The following ADARB2 variants were observed in gnomAD, a reference collection of about 807,000 sequenced individuals.
The protein encoded by ADARB2 is adenosine deaminase RNA specific B2 (inactive), also known as inactive double-stranded RNA-specific editase B2.
In ADARB2, 25 loss-of-function variants were observed where a neutral mutation model predicts 62.2. The ratio of observed to expected loss-of-function variants is 0.40; its 90% CI spans 0.29 to 0.56. The LOEUF is 0.56. Ranked by LOEUF, ADARB2 falls within the 20% of genes least tolerant of loss-of-function variation. The pLI, the probability that ADARB2 is intolerant of heterozygous loss-of-function variation, is 0.43. For missense variants in ADARB2, 1,071 were observed against 1,077.4 expected (o/e 0.99, Z 0.08); for synonymous variants, 572 against 500.8 (o/e 1.14, Z -1.90).
intron 1 of ADARB2, among the ~76,000 whole-genome samples, chr10:1,553,351 G>A (rs1244054557): frequency 6.6e-6 from 1 of 152,158 alleles, no homozygotes; most frequent in Non-Finnish European, 1.5e-5. Context: ...CTGGCACCGG[G>A]CGCCTTCTGG....
chr10:1,589,966 C>G lies in ADARB2; in HGVS notation c.100+147085G>C, dbSNP rs563685920. Among the ~76,000 whole-genome samples the G allele has an allele frequency of 3.9e-5, 6 of 152,368 alleles. No homozygotes were observed. The South Asian group carries it at 8.3e-4, about 21-fold the overall frequency. On this transcript the variant is annotated intron_variant, in intron 1 of 9. Transcript: ENST00000381312. ...AGTGGTTTTTAAATGGTCCTTCTGG[C>G]TTCAGCAGGTGCTCCTCTGGGAGCC...
intron 1 of ADARB2, among the ~76,000 whole-genome samples, chr10:1,703,755 C>T (rs757584339): frequency 9.9e-5 from 15 of 152,146 alleles, no homozygotes; most frequent in South Asian, 2.1e-4. Context: ...TATCTGGGAG[C>T]GTTTCTTTGA....
intron 1 of ADARB2, among the ~76,000 whole-genome samples, chr10:1,399,662 A>G (rs1477360209): frequency 6.6e-6 from 1 of 152,174 alleles, no homozygotes; most frequent in Non-Finnish European, 1.5e-5. Flanking sequence ...CCTGAGACGC[A>G]TTCGTAAATG....
rs148685866 is a variant in ADARB2 at position 1,527,014 on chromosome 10, C to G, written c.101-147854G>C. 8.1e-6 allele frequency: 2 copies of G among 248,048 alleles called. 1 individual carries two copies. The highest frequency in any genetic ancestry group is 2.1e-4 in the East Asian group (2 of 9,604). The allele number at this position is 248,048 out of a possible 1,614,324, so 15.4% of individuals were successfully genotyped here. On this transcript the variant is annotated intron_variant, in intron 1 of 9. Transcript: ENST00000381312. Reference sequence around the variant, plus strand: ...GCTCTGACTTCCAAACGAAACCACTCCAGCTTTTTGGAAGCTTCCGCATTT... The same window carrying G: ...GCTCTGACTTCCAAACGAAACCACTGCAGCTTTTTGGAAGCTTCCGCATTT...
rs57984302 is a variant in ADARB2 at position 1,691,899 on chromosome 10, A to ATGTGTG, written c.100+45146_100+45151dup. On this transcript the variant is annotated intron_variant, in intron 1 of 9. Transcript: ENST00000381312. ...CTCTCAGCCTCCAGGTCATTACTAA[A>ATGTGTG]TGTGTGTGTGTGTGTGTGTGTGCAC... 9.6e-3 allele frequency among the ~76,000 whole-genome samples: 1,441 copies of ATGTGTG among 150,478 alleles called. 18 individuals are homozygous for ATGTGTG. The highest frequency in any genetic ancestry group is 0.012 in the Non-Finnish European group (788 of 67,472).
intron 7 of ADARB2, among the ~76,000 whole-genome samples, chr10:1,204,372 G>A (rs973413500): frequency 6.6e-6 from 1 of 152,238 alleles, no homozygotes; most frequent in African/African-American, 2.4e-5. Context: ...GGGGCTGTTT[G>A]TAATTGCAAA....
chr10:1,209,732 C>A (rs1242396316), intron 7 of ADARB2, among the ~76,000 whole-genome samples: 1 of 152,110 alleles, frequency 6.6e-6, no homozygotes, highest in African/African-American at 2.4e-5. Context: ...CACCCACACA[C>A]CCACACCACA....
chr10:1,513,138 T>A (rs1183495665), intron 1 of ADARB2, among the ~76,000 whole-genome samples: 1 of 152,226 alleles, frequency 6.6e-6, no homozygotes, highest in East Asian at 1.9e-4. Context: ...GACTGTAGTG[T>A]TCATTTCACT....
intron 1 of ADARB2, among the ~76,000 whole-genome samples, chr10:1,687,367 CCCTG>C (rs550668453): frequency 1.3e-5 from 2 of 152,206 alleles, no homozygotes; most frequent in Middle Eastern, 3.4e-3. Flanking sequence ...GGCTTCTCCT[CCCTG>C]CCTAAGTAAA....
intron 1 of ADARB2, among the ~76,000 whole-genome samples, chr10:1,709,907 G>A (rs1283477490): frequency 6.6e-6 from 1 of 152,200 alleles, no homozygotes; most frequent in Non-Finnish European, 1.5e-5. Flanking sequence ...AGTCTCTAAA[G>A]CCAAGTGGGG....
At chr10:1,574,749 C>A (rs1251476263) in intron 1 of ADARB2, among the ~76,000 whole-genome samples, 2 of 152,154 alleles carry the variant, frequency 1.3e-5, no homozygotes, top group East Asian at 3.8e-4. Context: ...TGTAAAGACC[C>A]CACCTCCAAA....
At chr10:1,532,438 G>A (rs1588290550) in intron 1 of ADARB2, among the ~76,000 whole-genome samples, 1 of 152,130 alleles carries the variant, frequency 6.6e-6, no homozygotes, top group Non-Finnish European at 1.5e-5. Flanking sequence ...TGGGGCCTTC[G>A]GTGTGGGCTC....
Position 1,277,920 on chromosome 10 carries a change from T to C in ADARB2, c.1078-6851A>G, listed in dbSNP as rs557866759. ...GCTTATCCACCGTGATCAAGTGGGC[T>C]TCTTTCTTTCTGCTTCCTTCCTTCC... On this transcript the variant is annotated intron_variant, in intron 3 of 9. Transcript: ENST00000381312. Among the ~76,000 whole-genome samples, 3 of 151,352 alleles carry C rather than the reference T, an allele frequency of 2.0e-5. No individual in the cohort carries two copies. In the East Asian group the frequency reaches 5.8e-4, roughly 29 times the overall value.
chr10:1,389,784 TAATA>T (rs1379820223), intron 1 of ADARB2, among the ~76,000 whole-genome samples: 3 of 146,764 alleles, frequency 2.0e-5, no homozygotes, highest in African/African-American at 7.6e-5. Context: ...AATAAATAAA[TAATA>T]AATAAAAAAT....
At position 1,270,918 on chromosome 10, in the gene ADARB2, A is replaced by T. The variant is rs371939195; in HGVS notation, c.1192+37T>A. ...TAGATGCTAATGCTCCTTTCTTTAGAGATGAAAATGCCCACAGGAAAAGAG... is the reference window on the plus strand; with the variant it reads ...TAGATGCTAATGCTCCTTTCTTTAGTGATGAAAATGCCCACAGGAAAAGAG... On this transcript the variant is annotated intron_variant, in intron 4 of 9. Coordinates refer to ENST00000381312, the MANE Select transcript of ADARB2 (RefSeq NM_018702.4). 2.7e-5 allele frequency: 42 copies of T among 1,572,864 alleles called. No individual in the cohort carries two copies. In the African/African-American group the frequency reaches 5.4e-4, roughly 20 times the overall value.
intron 1 of ADARB2, among the ~76,000 whole-genome samples, chr10:1,604,057 G>A (rs1234007142): frequency 1.3e-5 from 2 of 152,122 alleles, no homozygotes; most frequent in South Asian, 2.1e-4. Flanking sequence ...CACCCACCTC[G>A]GCCTCCCAAA....
At chr10:1,221,454 ATG>A (rs1245025913) in intron 6 of ADARB2, among the ~76,000 whole-genome samples, 1 of 150,866 alleles carries the variant, frequency 6.6e-6, no homozygotes, top group South Asian at 2.1e-4. Context: ...TTTAGGGTAC[ATG>A]TGCACAACGT....
At chr10:1,528,917 C>G (rs1036525490) in intron 1 of ADARB2, among the ~76,000 whole-genome samples, 3 of 152,108 alleles carry the variant, frequency 2.0e-5, no homozygotes, top group Non-Finnish European at 4.4e-5. Flanking sequence ...CTCGTCCTGC[C>G]CCTGTGGTCT....
chr10:1,430,334 G>A (rs1830766602), intron 1 of ADARB2, among the ~76,000 whole-genome samples: 1 of 152,188 alleles, frequency 6.6e-6, no homozygotes, highest in Admixed American at 6.5e-5. Flanking sequence ...AGCAGAATGA[G>A]AGGCAGAGGA....
Sources: allele counts gnomAD v4.1 joint callset (sites outside exome capture counted in the v4.1 genomes callset), GRCh38; gene constraint gnomAD v4.1.1; transcripts MANE v1.5; gene names NCBI Gene and HGNC (gene_info 2026-07-23, HGNC 2026-07-21).